WNT3A: variants seen among roughly 807,000 people sequenced by gnomAD.
The protein encoded by WNT3A is protein Wnt-3a.
A neutral mutation model predicts 37.0 loss-of-function variants in WNT3A; 17 were observed. The ratio of observed to expected loss-of-function variants is 0.46; its 90% CI spans 0.31 to 0.69. WNT3A has a LOEUF of 0.69. Ranked by LOEUF, WNT3A falls within the 30% of genes least tolerant of loss-of-function variation. The pLI is 0.05. For missense variants in WNT3A, 411 were observed against 510.2 expected, an observed-to-expected ratio of 0.81 and a Z score of 1.87; for synonymous variants, 187 against 211.0, an observed-to-expected ratio of 0.89 and a Z score of 0.99.
chr1:228,020,441 C>A (rs2030670870), intron 1 of WNT3A, among the ~76,000 whole-genome samples: 1 of 152,356 alleles, frequency 6.6e-6, no homozygotes, highest in South Asian at 2.1e-4. Flanking sequence ...GTCCAGGTCA[C>A]AGACAGCTGA....
intron 2 of WNT3A, among the ~76,000 whole-genome samples, chr1:228,023,584 G>T (rs3094910): frequency 6.6e-6 from 1 of 152,016 alleles, no homozygotes; most frequent in African/African-American, 2.4e-5. Context: ...GAGAGACACA[G>T]AGAGAGAAAC....
Position 228,037,156 on chromosome 1 carries a change from C to G in WNT3A, c.314-13500C>G, listed in dbSNP as rs575268140. 6.6e-6 allele frequency among the ~76,000 whole-genome samples: 1 copy of G among 152,228 alleles called. No homozygotes were observed. The highest frequency in any genetic ancestry group is 1.9e-4 in the East Asian group (1 of 5,168). ...CTTCCCAGAGCCCTGGGGTTTGCTT[C>G]TTCGTACCCAGTGTGGGTGGGGCCT... On this transcript the variant is annotated intron_variant, in intron 2 of 3. Transcript: ENST00000284523. This position sits in a 1 kb window ranked among gnomAD's most constrained non-coding sequence, Gnocchi z 4.1.
chr1:228,052,874 A>G (rs77389822), intron 3 of WNT3A, among the ~76,000 whole-genome samples: 290 of 152,346 alleles, frequency 1.9e-3, no homozygotes, highest in African/African-American at 6.7e-3. Context: ...TGCTCAGTCA[A>G]CCGGGTGGTG....
rs1017549641 is a variant in WNT3A at position 228,039,994 on chromosome 1, G to A, written c.314-10662G>A. Among the ~76,000 whole-genome samples the A allele has an allele frequency of 6.6e-6, 1 of 152,172 alleles. No homozygotes were observed. The stretch of plus-strand genomic sequence containing the variant: ...TGTCCCAGGAGCCCAGGAGTCCCAG[G>A]CTGTCCCTCTCCTCTCGCCCTGTAT... On this transcript the variant is annotated intron_variant, in intron 2 of 3. Coordinates refer to ENST00000284523, the MANE Select transcript of WNT3A (RefSeq NM_033131.4). This position sits in a 1 kb window ranked among gnomAD's most constrained non-coding sequence, Gnocchi z 4.1.
chr1:228,047,524 C>T (rs532017767), intron 2 of WNT3A, among the ~76,000 whole-genome samples: 1 of 152,194 alleles, frequency 6.6e-6, no homozygotes, highest in South Asian at 2.1e-4. Flanking sequence ...GGCTCAAGGG[C>T]ATCACGAGCC....
At chr1:228,045,597 G>C (rs2031384863) in intron 2 of WNT3A, among the ~76,000 whole-genome samples, 1 of 152,214 alleles carries the variant, frequency 6.6e-6, no homozygotes, top group Non-Finnish European at 1.5e-5. Context: ...AGCCACACGT[G>C]TATTCACTCA....
At position 228,059,571 on chromosome 1, in the gene WNT3A, G is replaced by A. The variant is rs2031753161; in HGVS notation, c.*106G>A. ...TAAACGGGGCAGTACTCCTCCCTGG[G>A]GGCGGGACTCCTCCCTGGGGGTGGG... On this transcript the variant is annotated 3_prime_UTR_variant, in exon 4 of 4. Transcript: ENST00000284523. The A allele has an allele frequency of 1.1e-5, 16 of 1,397,728 alleles. No homozygotes were observed. The highest frequency in any genetic ancestry group is 1.5e-5 in the African/African-American group (1 of 66,226). 86.6% of individuals were successfully genotyped at this position (1,397,728 alleles called of 1,614,324 possible). A position where few individuals can be genotyped will look rare whatever the true frequency, so the allele number is the denominator to read the frequency against.
intron 3 of WNT3A, among the ~76,000 whole-genome samples, chr1:228,056,270 A>G (rs1354912368): frequency 6.6e-6 from 1 of 152,270 alleles, no homozygotes; most frequent in Non-Finnish European, 1.5e-5. Context: ...TCTAACAACA[A>G]TAATGGCAAA....
chr1:228,047,683 G>C (rs951682973), intron 2 of WNT3A, among the ~76,000 whole-genome samples: 3 of 152,174 alleles, frequency 2.0e-5, no homozygotes, highest in African/African-American at 4.8e-5. Context: ...GGTTCTGCAG[G>C]CTGCACAGGA....
At chr1:228,035,669 G>A (rs1462474818) in intron 2 of WNT3A, among the ~76,000 whole-genome samples, 1 of 152,224 alleles carries the variant, frequency 6.6e-6, no homozygotes, top group East Asian at 1.9e-4. Flanking sequence ...GGGCAAGTGG[G>A]CCTCACAGAT....
At chr1:228,027,599 C>G (rs1286061330) in intron 2 of WNT3A, among the ~76,000 whole-genome samples, 1 of 152,102 alleles carries the variant, frequency 6.6e-6, no homozygotes, top group Admixed American at 6.6e-5. Flanking sequence ...ATTCATGTCC[C>G]TTACCCACTT....
chr1:228,026,837 A>C (rs1367779873), intron 2 of WNT3A, among the ~76,000 whole-genome samples: 1 of 152,130 alleles, frequency 6.6e-6, no homozygotes. Context: ...TATATATACC[A>C]CATTTTCTTT....
Position 228,007,120 on chromosome 1 carries a change from C to T in WNT3A, c.-9C>T. 1 of 1,570,258 alleles carries T rather than the reference C, an allele frequency of 6.4e-7. No individual in the cohort carries two copies. The highest frequency in any genetic ancestry group is 2.5e-5 in the East Asian group (1 of 40,004). ...GGACTCCCGGCCCTCCGCGCCCTCT[C>T]GCGCGGCGATGGCCCCACTCGGATA... On this transcript the variant is annotated 5_prime_UTR_variant, in exon 1 of 4. Transcript: ENST00000284523. The surrounding 1 kb of genome is among the most constrained non-coding windows in gnomAD (Gnocchi z 6.0).
rs148475057 is a variant in WNT3A, at chr1:228,027,448, G to T, written c.313+4540G>T. On this transcript the variant is annotated intron_variant, in intron 2 of 3. Transcript: ENST00000284523. ...TCCATACCAACATCTATTATTTTTT[G>T]ATTTTTCAATAATGGCATCCTTGCA... 3.6e-3 allele frequency among the ~76,000 whole-genome samples: 552 copies of T among 152,198 alleles called. 11 individuals carry two copies. The highest frequency in any genetic ancestry group is 0.031 in the East Asian group (158 of 5,172).
chr1:228,015,713 C>G (rs574347389), intron 1 of WNT3A, among the ~76,000 whole-genome samples: 318 of 151,058 alleles, frequency 2.1e-3, no homozygotes, highest in Middle Eastern at 3.4e-3. Flanking sequence ...GCCTCCCCCC[C>G]ACCCCCGCCG....
At chr1:228,022,997 A>G (rs1422055690) in intron 2 of WNT3A, 89 bp downstream of exon 2, 1 of 1,521,352 alleles carries the variant, frequency 6.6e-7, no homozygotes, top group African/African-American at 1.4e-5. Context: ...ATCTGTGCAC[A>G]CGGTGGGAAC....
chr1:228,021,188 A>G (rs1229480845), intron 1 of WNT3A, among the ~76,000 whole-genome samples: 2 of 152,170 alleles, frequency 1.3e-5, no homozygotes, highest in Non-Finnish European at 2.9e-5. Flanking sequence ...CACATTCCCT[A>G]TCTAACTGTC....
chr1:228,026,912 G>A (rs963881718), intron 2 of WNT3A, among the ~76,000 whole-genome samples: 4 of 152,108 alleles, frequency 2.6e-5, no homozygotes, highest in African/African-American at 4.8e-5. Context: ...GTGCGATCTC[G>A]GCTCACTGCA....
At chr1:228,022,953 CAG>C (rs754984143) in intron 2 of WNT3A, 45 bp downstream of exon 2, 8 of 1,563,158 alleles carry the variant, frequency 5.1e-6, no homozygotes, top group Admixed American at 1.7e-5. Context: ...TGGAGTGGGA[CAG>C]AGTCTCCCGC....
Sources: allele counts gnomAD v4.1 joint callset (sites outside exome capture counted in the v4.1 genomes callset), GRCh38; gene constraint gnomAD v4.1.1; non-coding constraint Gnocchi (gnomAD v3.1); transcripts MANE v1.5; gene names NCBI Gene and HGNC (gene_info 2026-07-23, HGNC 2026-07-21).